Variants in ARMH4 observed in about 807,000 individuals in gnomAD.
The protein encoded by ARMH4 is armadillo like helical domain containing 4.
A neutral mutation model predicts 61.9 loss-of-function variants in ARMH4; 49 were observed. That is an observed-to-expected ratio of 0.79 (90% confidence interval 0.63 to 1.00). ARMH4 has a LOEUF of 1.00. Ranked by LOEUF, ARMH4 falls within the 50% of genes least tolerant of loss-of-function variation. ARMH4 has a pLI of 0.00. For synonymous variants in ARMH4, 368 were observed against 341.5 expected (o/e 1.08, Z -0.85); for missense variants, 934 against 930.0 (o/e 1.00, Z -0.06).
At chr14:58,088,970 G>C (rs2141252655) in intron 5 of ARMH4, among the ~76,000 whole-genome samples, 1 of 152,274 alleles carries the variant, frequency 6.6e-6, no homozygotes, top group East Asian at 1.9e-4. Context: ...TTCGGTTTAA[G>C]ACAGTTGTTT....
At chr14:58,092,471 C>G (rs1467230277) in intron 5 of ARMH4, among the ~76,000 whole-genome samples, 1 of 152,222 alleles carries the variant, frequency 6.6e-6, no homozygotes. Flanking sequence ...CCTATGGCTG[C>G]TATAACAAAT....
Position 58,017,796 on chromosome 14 carries a change from A to G in ARMH4, c.2090-5646T>C, listed in dbSNP as rs143106547. On this transcript the variant is annotated intron_variant, in intron 5 of 7. Coordinates refer to ENST00000267485, the MANE Select transcript of ARMH4 (RefSeq NM_001001872.4). The stretch of plus-strand genomic sequence containing the variant: ...AAAACGATCTTAAAATTTGTATGGA[A>G]CCACAAAATAGCTAAAGCAATCTTC... 3.3e-5 allele frequency among the ~76,000 whole-genome samples: 5 copies of G among 152,326 alleles called. No individual in the cohort carries two copies. The East Asian group carries it at 9.6e-4, about 29-fold the overall frequency.
chr14:58,004,956 G>T, intron 7 of ARMH4, 92 bp downstream of exon 7: 1 of 1,573,672 alleles, frequency 6.4e-7, no homozygotes, highest in Non-Finnish European at 8.7e-7. Flanking sequence ...TACCACCCAA[G>T]CATCATTAAA....
intron 5 of ARMH4, among the ~76,000 whole-genome samples, chr14:58,023,430 T>C (rs749649693): frequency 3.3e-5 from 5 of 152,212 alleles, no homozygotes; most frequent in Non-Finnish European, 7.3e-5. Flanking sequence ...AGTCTTATCA[T>C]GAGACTGCAG....
intron 5 of ARMH4, among the ~76,000 whole-genome samples, chr14:58,049,984 T>C (rs1884080872): frequency 6.6e-6 from 1 of 152,222 alleles, no homozygotes; most frequent in Non-Finnish European, 1.5e-5. Context: ...TGGCTTACAG[T>C]GTGAATGGAC....
chr14:58,143,469 T>C (rs1040150071), intron 1 of ARMH4, among the ~76,000 whole-genome samples: 4 of 152,152 alleles, frequency 2.6e-5, no homozygotes, highest in Non-Finnish European at 4.4e-5. Flanking sequence ...TGTTTATTTG[T>C]ATGTTTATTT....
At chr14:58,013,934 G>T (rs544188711) in intron 5 of ARMH4, among the ~76,000 whole-genome samples, 1 of 152,158 alleles carries the variant, frequency 6.6e-6, no homozygotes, top group Admixed American at 6.5e-5. Flanking sequence ...TGAGGTAGGA[G>T]AATCACTTGA....
At chr14:58,038,559 AAATT>A (rs1182491117) in intron 5 of ARMH4, among the ~76,000 whole-genome samples, 1 of 136,926 alleles carries the variant, frequency 7.3e-6, no homozygotes, top group African/African-American at 2.6e-5. Context: ...TAATAAAAAA[AAATT>A]AAAAAAAAAA....
At chr14:58,053,062 T>G (rs1884198789) in intron 5 of ARMH4, among the ~76,000 whole-genome samples, 2 of 152,212 alleles carry the variant, frequency 1.3e-5, no homozygotes, top group Admixed American at 1.3e-4. Flanking sequence ...AAATTACTCT[T>G]GAATCCATCC....
At chr14:58,066,605 T>C (rs143184076) in intron 5 of ARMH4, among the ~76,000 whole-genome samples, 1 of 152,118 alleles carries the variant, frequency 6.6e-6, no homozygotes, top group African/African-American at 2.4e-5. Context: ...ATTAATGTTA[T>C]AAAAAAATAA....
intron 4 of ARMH4, among the ~76,000 whole-genome samples, chr14:58,099,820 C>T (rs1594756245): frequency 6.6e-6 from 1 of 152,160 alleles, no homozygotes; most frequent in Admixed American, 6.5e-5. Context: ...ACAGTGGCTG[C>T]ATGCATAGAC....
At chr14:58,106,231 G>A (rs1361436379) in intron 4 of ARMH4, among the ~76,000 whole-genome samples, 1 of 152,116 alleles carries the variant, frequency 6.6e-6, no homozygotes, top group Non-Finnish European at 1.5e-5. Context: ...CATCCTTACC[G>A]AGATCAAGTC....
At position 58,083,908 on chromosome 14, in the gene ARMH4, C is replaced by T. The variant is rs370435254; in HGVS notation, c.2089+12816G>A. 5.6e-4 allele frequency among the ~76,000 whole-genome samples: 85 copies of T among 152,216 alleles called. 1 individual carries two copies. The South Asian group carries it at 0.011, about 20-fold the overall frequency. ...ATTTGCCTGGCTTCTTCATTAATAA[C>T]GAGTTAAATAAAATCTCTGACATGT... On this transcript the variant is annotated intron_variant, in intron 5 of 7. Transcript: ENST00000267485.
chr14:58,090,933 G>GAAA (rs1885539814), intron 5 of ARMH4, among the ~76,000 whole-genome samples: 1 of 149,942 alleles, frequency 6.7e-6, no homozygotes, highest in African/African-American at 2.5e-5. Context: ...GAAGCACAGT[G>GAAA]GGCCAGGCAC....
chr14:58,050,870 T>C (rs1884114837), intron 5 of ARMH4, among the ~76,000 whole-genome samples: 1 of 152,116 alleles, frequency 6.6e-6, no homozygotes, highest in Non-Finnish European at 1.5e-5. Flanking sequence ...CCTGTTCTTG[T>C]TTGCCAGATA....
At chr14:58,070,722 A>G (rs1269455583) in intron 5 of ARMH4, among the ~76,000 whole-genome samples, 3 of 151,980 alleles carry the variant, frequency 2.0e-5, no homozygotes, top group Non-Finnish European at 4.4e-5. Context: ...GTCCAATTAC[A>G]CTCTTTAAGC....
chr14:58,137,419 G>A (rs1594779079), intron 2 of ARMH4, among the ~76,000 whole-genome samples: 1 of 151,814 alleles, frequency 6.6e-6, no homozygotes, highest in Admixed American at 6.6e-5. Context: ...TTTTTTGAGA[G>A]GGAGTTTCAC....
At chr14:58,129,662 A>G (rs2139951692) in intron 4 of ARMH4, among the ~76,000 whole-genome samples, 1 of 152,346 alleles carries the variant, frequency 6.6e-6, no homozygotes. Flanking sequence ...TAGTAGGTTG[A>G]TTTGTTTAAA....
At position 58,031,499 on chromosome 14, in the gene ARMH4, C is replaced by T. The variant is rs774008548; in HGVS notation, c.2090-19349G>A. Among the ~76,000 whole-genome samples the T allele has an allele frequency of 2.5e-4, 38 of 152,288 alleles. No homozygotes were observed. The Middle Eastern group carries it at 0.017, about 68-fold the overall frequency. On this transcript the variant is annotated intron_variant, in intron 5 of 7. Transcript: ENST00000267485. ...AGGCCATTAACACTGCAGCAAGTTA[C>T]AAATGTACACTAAGAGAGCCTGACC...
Sources: gnomAD v4.1 joint callset for allele counts (sites outside exome capture counted in the v4.1 genomes callset) on GRCh38, gnomAD v4.1.1 for gene constraint, MANE v1.5 for transcripts, NCBI Gene and HGNC (gene_info 2026-07-23, HGNC 2026-07-21) for gene names.